GRID2: variants seen among roughly 807,000 people sequenced by gnomAD.
GRID2 encodes glutamate receptor ionotropic, delta-2.
In GRID2, 33 loss-of-function variants were observed where a neutral mutation model predicts 114.8. The ratio of observed to expected loss-of-function variants is 0.29; its 90% CI spans 0.22 to 0.38. The LOEUF (loss-of-function observed/expected upper bound fraction) is 0.38, where lower values mean the gene tolerates loss of function less well. Ranked by LOEUF, GRID2 falls within the 10% of genes least tolerant of loss-of-function variation. The probability of loss-of-function intolerance (pLI) is 1.00; values close to 1 mark genes in which losing one functional copy is unlikely to be tolerated. For synonymous variants in GRID2, 505 were observed against 449.9 expected (o/e 1.12, Z -1.55); for missense variants, 1,184 against 1,257.7 (o/e 0.94, Z 0.89).
At chr4:92,356,116 G>T (rs1728307312) in intron 1 of GRID2, among the ~76,000 whole-genome samples, 1 of 151,506 alleles carries the variant, frequency 6.6e-6, no homozygotes, top group Admixed American at 6.6e-5. Flanking sequence ...TTTGTATTAA[G>T]TTGGGGAAAT....
chr4:93,456,699 C>G (rs1467998237), intron 11 of GRID2, among the ~76,000 whole-genome samples: 6 of 148,902 alleles, frequency 4.0e-5, no homozygotes, highest in Non-Finnish European at 9.0e-5. Flanking sequence ...CTCTTGCAAG[C>G]TCTACACATA....
At chr4:93,055,142 G>T (rs771270428) in intron 2 of GRID2, among the ~76,000 whole-genome samples, 2 of 151,876 alleles carry the variant, frequency 1.3e-5, no homozygotes, top group Non-Finnish European at 2.9e-5. Flanking sequence ...AGATGGTAAA[G>T]ATGCAGTTTC....
intron 8 of GRID2, among the ~76,000 whole-genome samples, chr4:93,249,446 T>A (rs2149528625): frequency 6.6e-6 from 1 of 152,236 alleles, no homozygotes; most frequent in African/African-American, 2.4e-5. Flanking sequence ...TAGCAATGAA[T>A]CTATAAATTA....
At chr4:92,449,739 C>T (rs1309348779) in intron 1 of GRID2, among the ~76,000 whole-genome samples, 3 of 131,040 alleles carry the variant, frequency 2.3e-5, no homozygotes, top group Non-Finnish European at 3.1e-5. Flanking sequence ...ATTTATATTT[C>T]AGAACAGTCA....
At chr4:93,755,892 C>T (rs899420639) in intron 14 of GRID2, among the ~76,000 whole-genome samples, 3 of 152,022 alleles carry the variant, frequency 2.0e-5, no homozygotes, top group African/African-American at 7.2e-5. Flanking sequence ...TGCTTTTTGT[C>T]TACATAGTTA....
At position 92,757,842 on chromosome 4, in the gene GRID2, G is replaced by A. The variant is rs1486226540; in HGVS notation, c.244+167556G>A. On this transcript the variant is annotated intron_variant, in intron 2 of 15. Coordinates refer to ENST00000282020, the MANE Select transcript of GRID2 (RefSeq NM_001510.4). ...ATACTGCCGAGAAGTTACTTAAAAC[G>A]ATGTTAAAAAAAAAAAAGGTTTATA... 5.4e-5 allele frequency among the ~76,000 whole-genome samples: 8 copies of A among 148,062 alleles called. No homozygotes were observed. The East Asian group carries it at 9.9e-4, about 18-fold the overall frequency.
At chr4:93,064,679 T>G (rs1728111043) in intron 2 of GRID2, among the ~76,000 whole-genome samples, 1 of 151,906 alleles carries the variant, frequency 6.6e-6, no homozygotes. Flanking sequence ...TCTTTTTGCT[T>G]GAACCAGAGA....
intron 2 of GRID2, among the ~76,000 whole-genome samples, chr4:92,878,406 T>G (rs1745779011): frequency 6.6e-6 from 1 of 152,160 alleles, no homozygotes; most frequent in Admixed American, 6.5e-5. Flanking sequence ...TCGACTTCAA[T>G]AAATTTGATC....
intron 14 of GRID2, among the ~76,000 whole-genome samples, chr4:93,647,581 T>C (rs76322631): frequency 6.6e-6 from 1 of 152,326 alleles, no homozygotes; most frequent in East Asian, 1.9e-4. Flanking sequence ...AATATAACTC[T>C]GTCTCTTCAG....
chr4:92,584,700 G>A (rs1167319071), intron 1 of GRID2, among the ~76,000 whole-genome samples: 2 of 151,588 alleles, frequency 1.3e-5, no homozygotes, highest in Non-Finnish European at 2.9e-5. Context: ...GAATATATAT[G>A]TATATGTGTA....
intron 1 of GRID2, among the ~76,000 whole-genome samples, chr4:92,494,316 TA>T (rs1158876251): frequency 6.6e-6 from 1 of 152,006 alleles, no homozygotes; most frequent in Non-Finnish European, 1.5e-5. Flanking sequence ...ACTAAATTAC[TA>T]AAAAATTTTC....
At position 93,287,960 on chromosome 4, in the gene GRID2, T is replaced by C. The variant is rs568699771; in HGVS notation, c.1245+49470T>C. Among the ~76,000 whole-genome samples, 3 of 152,320 alleles carry C rather than the reference T, an allele frequency of 2.0e-5. No homozygotes were observed. The South Asian group carries it at 6.2e-4, about 32-fold the overall frequency. On this transcript the variant is annotated intron_variant, in intron 8 of 15. Coordinates refer to ENST00000282020, the MANE Select transcript of GRID2 (RefSeq NM_001510.4). ...ATAAATTAGGGGCCACTATTCTCCC[T>C]TTCTCTACCTTGCTCTCCCTAATAA... is the stretch of plus-strand genomic sequence containing the variant.
intron 4 of GRID2, among the ~76,000 whole-genome samples, chr4:93,181,961 A>C (rs1366925521): frequency 6.6e-6 from 1 of 152,188 alleles, no homozygotes; most frequent in Non-Finnish European, 1.5e-5. Context: ...GTAGTCCATG[A>C]GATTATCAAG....
At chr4:93,476,545 A>G (rs1725337733) in intron 11 of GRID2, among the ~76,000 whole-genome samples, 1 of 152,178 alleles carries the variant, frequency 6.6e-6, no homozygotes, top group Admixed American at 6.6e-5. Context: ...CACCCTTATA[A>G]AATATCTAGC....
intron 1 of GRID2, among the ~76,000 whole-genome samples, chr4:92,398,052 C>A (rs1264186969): frequency 2.6e-5 from 4 of 152,116 alleles, no homozygotes; most frequent in Admixed American, 2.6e-4. Context: ...CTGGCACACA[C>A]ACACAAAATA....
At chr4:92,380,885 A>C (rs1304295569) in intron 1 of GRID2, among the ~76,000 whole-genome samples, 1 of 151,998 alleles carries the variant, frequency 6.6e-6, no homozygotes, top group Admixed American at 6.6e-5. Context: ...TGACTAATTA[A>C]ATTACACAAC....
chr4:92,767,498 A>G (rs897454403), intron 2 of GRID2, among the ~76,000 whole-genome samples: 4 of 152,056 alleles, frequency 2.6e-5, no homozygotes, highest in Admixed American at 1.3e-4. Context: ...TTTTAAGACA[A>G]AGCATTTCAT....
chr4:93,426,559 GTTAGT>G (rs1768867277), intron 10 of GRID2, among the ~76,000 whole-genome samples: 1 of 152,098 alleles, frequency 6.6e-6, no homozygotes, highest in Non-Finnish European at 1.5e-5. Flanking sequence ...GCTTACACTA[GTTAGT>G]TTAATTTTGG....
intron 8 of GRID2, among the ~76,000 whole-genome samples, chr4:93,320,273 C>T (rs562917213): frequency 2.4e-4 from 37 of 151,988 alleles, no homozygotes; most frequent in Middle Eastern, 3.4e-3. Flanking sequence ...ACCTTACTAA[C>T]GGAAATATAA....
Sources: gnomAD v4.1 joint callset for allele counts (sites outside exome capture counted in the v4.1 genomes callset) on GRCh38, gnomAD v4.1.1 for gene constraint, MANE v1.5 for transcripts, NCBI Gene and HGNC (gene_info 2026-07-23, HGNC 2026-07-21) for gene names.